B4GALNT3: variants seen among roughly 807,000 people sequenced by gnomAD.
The protein encoded by B4GALNT3 is beta-1,4-N-acetyl-galactosaminyltransferase 3.
B4GALNT3 carries 86 observed loss-of-function variants against 120.2 expected under a neutral mutation model. The ratio of observed to expected loss-of-function variants is 0.72; its 90% CI spans 0.60 to 0.86. The LOEUF (loss-of-function observed/expected upper bound fraction) is 0.86. Ranked by LOEUF, B4GALNT3 falls within the 40% of genes least tolerant of loss-of-function variation. The probability of loss-of-function intolerance (pLI) is 0.00; values close to 1 mark genes in which losing one functional copy is unlikely to be tolerated. For missense variants in B4GALNT3, 1,167 were observed against 1,298.9 expected, an observed-to-expected ratio of 0.90 and a Z score of 1.56; for synonymous variants, 518 against 510.4, an observed-to-expected ratio of 1.01 and a Z score of -0.20.
At chr12:499,990 C>T (rs1946423094) in intron 1 of B4GALNT3, among the ~76,000 whole-genome samples, 1 of 152,198 alleles carries the variant, frequency 6.6e-6, no homozygotes, top group Admixed American at 6.5e-5. Context: ...CCCTGCCTCC[C>T]TGGGCTGCTC....
intron 1 of B4GALNT3, among the ~76,000 whole-genome samples, chr12:492,915 A>C (rs540112835): frequency 3.9e-5 from 6 of 151,900 alleles, no homozygotes; most frequent in Admixed American, 6.6e-5. Flanking sequence ...AAAAAAACCT[A>C]GACATAGTTC....
chr12:469,084 GTT>G (rs1946110683), intron 1 of B4GALNT3, among the ~76,000 whole-genome samples: 1 of 152,222 alleles, frequency 6.6e-6, no homozygotes. Flanking sequence ...AAAGCAGAAT[GTT>G]TATGGAGCAT....
At chr12:495,992 C>T (rs916256437) in intron 1 of B4GALNT3, among the ~76,000 whole-genome samples, 8 of 152,172 alleles carry the variant, frequency 5.3e-5, no homozygotes, top group African/African-American at 1.9e-4. Flanking sequence ...AGATTCACAT[C>T]ATTCTCCTCC....
intron 1 of B4GALNT3, among the ~76,000 whole-genome samples, chr12:472,595 G>A (rs1172545131): frequency 5.3e-5 from 8 of 152,204 alleles, no homozygotes; most frequent in Non-Finnish European, 1.2e-4. Context: ...CCGCCACCAC[G>A]CCTGGCTAAT....
At chr12:543,244 G>GA (rs1195846427) in intron 3 of B4GALNT3, 4 of 1,264,168 alleles carry the variant, frequency 3.2e-6, no homozygotes, top group Non-Finnish European at 4.1e-6. Context: ...CTGGGAATGG[G>GA]ATAGAGTGGG....
At chr12:493,726 T>A (rs2120514386) in intron 1 of B4GALNT3, among the ~76,000 whole-genome samples, 1 of 152,338 alleles carries the variant, frequency 6.6e-6, no homozygotes, top group South Asian at 2.1e-4. Flanking sequence ...ATTTGCTTTT[T>A]ATGTTGCCTC....
Position 546,671 on chromosome 12 carries a change from G to T in B4GALNT3, c.665G>T (p.Gly222Val). ...GKTGKEWTAP[G>V]EFGKFRSQIS... ...ACTGGAAAGGAGTGGACCGCCCCGG[G>T]AGAGTTTGGGAAATTTCGGAGCCAA... The change falls in exon 7 of 20, where the codon GGA becomes GTA. Residue 222 changes from glycine to valine, a missense_variant. Physicochemically the swap from Gly to Val is moderately radical, Grantham distance 109. Around this residue, in one of 3 missense-constraint regions of B4GALNT3, gnomAD observed 983 missense variants for 1,102.5 expected, o/e 0.89. Coordinates refer to ENST00000266383, the MANE Select transcript of B4GALNT3 (RefSeq NM_173593.4). 6.4e-7 allele frequency: 1 copy of T among 1,551,564 alleles called. No homozygotes were observed. Among genetic ancestry groups the T allele is most frequent in the Non-Finnish European group, 8.7e-7 (1 of 1,146,902 alleles).
chr12:557,434 C>T (rs925813611), intron 15 of B4GALNT3, among the ~76,000 whole-genome samples, 174 bp from the exon 16 acceptor site: 1 of 152,116 alleles, frequency 6.6e-6, no homozygotes, highest in Non-Finnish European at 1.5e-5. Flanking sequence ...GTGAGCACTC[C>T]CTCTGCCTCA....
intron 1 of B4GALNT3, among the ~76,000 whole-genome samples, chr12:482,282 T>C (rs1326595222): frequency 6.6e-6 from 1 of 152,288 alleles, no homozygotes; most frequent in East Asian, 1.9e-4. Context: ...AGCTCTGATA[T>C]CGTCCGTCAG....
Position 490,144 on chromosome 12 carries a change from G to A in B4GALNT3, c.169+29599G>A, listed in dbSNP as rs2120502815. On this transcript the variant is annotated intron_variant, in intron 1 of 19. Transcript: ENST00000266383. ...TTTATAACACTGAATGCTTATATTA[G>A]AAGAGAAGAAAGATCTAACATCAAT... Among the ~76,000 whole-genome samples, 2 of 152,176 alleles carry A rather than the reference G, an allele frequency of 1.3e-5. 1 individual carries two copies. The highest frequency in any genetic ancestry group is 4.2e-4 in the South Asian group (2 of 4,808).
In B4GALNT3 at chr12:468,920, T is replaced by C. The variant is rs139117544; in HGVS notation, c.169+8375T>C. Among the ~76,000 whole-genome samples, 256 of 152,232 alleles carry C rather than the reference T, an allele frequency of 1.7e-3. 1 individual carries two copies. The highest frequency in any genetic ancestry group is 5.8e-3 in the African/African-American group (241 of 41,520). ...AAGAGGGCCCACAAATGGACGAGAATAGAGAGAGGTGGGAGTGGAAATAGA... is the reference window on the plus strand; with the variant it reads ...AAGAGGGCCCACAAATGGACGAGAACAGAGAGAGGTGGGAGTGGAAATAGA... On this transcript the variant is annotated intron_variant, in intron 1 of 19. Coordinates refer to ENST00000266383, the MANE Select transcript of B4GALNT3 (RefSeq NM_173593.4).
intron 14 of B4GALNT3, among the ~76,000 whole-genome samples, chr12:554,886 A>C (rs546419962): frequency 1.3e-5 from 2 of 151,098 alleles, no homozygotes; most frequent in African/African-American, 4.9e-5. Flanking sequence ...TCTTTGAAAC[A>C]AATTATACTG....
Position 546,982 on chromosome 12 carries a change from C to T in B4GALNT3, c.707+269C>T, listed in dbSNP as rs1264977918. Among the ~76,000 whole-genome samples, 3 of 152,222 alleles carry T rather than the reference C, an allele frequency of 2.0e-5. No homozygotes were observed. The East Asian group carries it at 5.8e-4, about 29-fold the overall frequency. On this transcript the variant is annotated intron_variant, in intron 7 of 19. Coordinates refer to ENST00000266383, the MANE Select transcript of B4GALNT3 (RefSeq NM_173593.4). Reference sequence around the variant, plus strand: ...CGGGACTGGAAAATAGGTCTCCTTCCTCCCAGTCCTTGCCCTCCCCCGTTT... The same window carrying T: ...CGGGACTGGAAAATAGGTCTCCTTCTTCCCAGTCCTTGCCCTCCCCCGTTT...
rs374281428 is a variant in B4GALNT3 at position 536,174 on chromosome 12, C to T, written c.274-44C>T. The T allele has an allele frequency of 2.6e-6, 4 of 1,546,414 alleles. No individual in the cohort carries two copies. In the African/African-American group the frequency reaches 5.5e-5, roughly 21 times the overall value. ...GCCTCCTGTCCTGCCCGTAGCTTCT[C>T]ATCCTAATATTCCTACCAACTTCGT... On this transcript the variant is annotated intron_variant, in intron 2 of 19. Coordinates refer to ENST00000266383, the MANE Select transcript of B4GALNT3 (RefSeq NM_173593.4).
At chr12:555,639 A>C (rs1461148777) in intron 14 of B4GALNT3, among the ~76,000 whole-genome samples, 9 of 152,052 alleles carry the variant, frequency 5.9e-5, no homozygotes, top group Non-Finnish European at 1.3e-4. Context: ...AACTCTGTTT[A>C]GCATGTTGAG....
At chr12:508,982 T>C (rs1288452099) in intron 1 of B4GALNT3, among the ~76,000 whole-genome samples, 2 of 152,212 alleles carry the variant, frequency 1.3e-5, no homozygotes, top group Non-Finnish European at 2.9e-5. Flanking sequence ...TTTAACAGCC[T>C]TGCTGGGGAG....
intron 1 of B4GALNT3, among the ~76,000 whole-genome samples, chr12:508,482 A>G (rs1170737729): frequency 6.6e-6 from 1 of 152,152 alleles, no homozygotes; most frequent in Non-Finnish European, 1.5e-5. Flanking sequence ...GGGTCTTACT[A>G]CATTGCCCAG....
rs897012312 is a variant in B4GALNT3 at position 490,646 on chromosome 12, T to C, written c.169+30101T>C. ...TCAGGAGGCTGAGGCTGGAGGATCA[T>C]TTGAGCTGGGAAGTGGTGGTTGCAG... On this transcript the variant is annotated intron_variant, in intron 1 of 19. Coordinates refer to ENST00000266383, the MANE Select transcript of B4GALNT3 (RefSeq NM_173593.4). Among the ~76,000 whole-genome samples the C allele has an allele frequency of 2.0e-5, 3 of 152,124 alleles. No homozygotes were observed. In the East Asian group the frequency reaches 5.8e-4, roughly 29 times the overall value.
chr12:528,426 C>T (rs4980933), intron 1 of B4GALNT3, among the ~76,000 whole-genome samples: 117,471 of 152,178 alleles, frequency 0.77, 45,651 homozygotes, highest in East Asian at 0.97. Context: ...CGATGTTTCA[C>T]TTAATATACA....
Sources: allele counts gnomAD v4.1 joint callset (sites outside exome capture counted in the v4.1 genomes callset), GRCh38; gene constraint gnomAD v4.1.1; regional missense constraint gnomAD v4.1.1; transcripts MANE v1.5; gene names NCBI Gene and HGNC (gene_info 2026-07-23, HGNC 2026-07-21).